The following RIMS2 variants were observed in gnomAD, a reference collection of about 807,000 sequenced individuals.
The protein encoded by RIMS2 is regulating synaptic membrane exocytosis protein 2.
In RIMS2, 59 loss-of-function variants were observed where a neutral mutation model predicts 174.4. That is an observed-to-expected ratio of 0.34 (90% CI 0.27 to 0.42). The LOEUF (loss-of-function observed/expected upper bound fraction) is 0.42, where lower values mean the gene tolerates loss of function less well. RIMS2 is among the 10% of genes least tolerant of loss of function. The pLI is 1.00. For missense variants in RIMS2, 1,620 were observed against 1,666.3 expected (o/e 0.97, Z 0.48); for synonymous variants, 606 against 572.5 (o/e 1.06, Z -0.84).
At chr8:104,060,447 G>A (rs1243207061) in intron 19 of RIMS2, among the ~76,000 whole-genome samples, 1 of 151,972 alleles carries the variant, frequency 6.6e-6, no homozygotes, top group Non-Finnish European at 1.5e-5. Context: ...GCGTCTATTT[G>A]ATTCTTCTCT....
At chr8:103,930,057 CAATTTG>C (rs1183689218) in intron 11 of RIMS2, among the ~76,000 whole-genome samples, 1 of 151,850 alleles carries the variant, frequency 6.6e-6, no homozygotes, top group African/African-American at 2.4e-5. Flanking sequence ...TTATTAATCA[CAATTTG>C]AGAAATACTT....
intron 19 of RIMS2, among the ~76,000 whole-genome samples, chr8:104,209,114 G>A (rs2099094023): frequency 6.6e-6 from 1 of 152,182 alleles, no homozygotes; most frequent in Admixed American, 6.5e-5. Context: ...AAGAACTGAT[G>A]GAGAGGAGCA....
At chr8:103,609,555 C>T (rs999198224) in intron 1 of RIMS2, among the ~76,000 whole-genome samples, 4 of 152,136 alleles carry the variant, frequency 2.6e-5, no homozygotes, top group African/African-American at 9.7e-5. Context: ...AGGGGTCCAG[C>T]TTCAATTTTC....
At chr8:103,858,468 A>G (rs1227364830) in intron 3 of RIMS2, among the ~76,000 whole-genome samples, 3 of 152,086 alleles carry the variant, frequency 2.0e-5, no homozygotes, top group Non-Finnish European at 4.4e-5. Flanking sequence ...AATTAAGTTA[A>G]GGAGGACCTT....
chr8:103,861,990 A>G (rs894316683), intron 3 of RIMS2, among the ~76,000 whole-genome samples: 6 of 151,530 alleles, frequency 4.0e-5, no homozygotes, highest in Non-Finnish European at 1.5e-5. Context: ...GTTTAATTTT[A>G]TTATTTATTT....
chr8:103,800,266 C>G (rs897931782), intron 3 of RIMS2, among the ~76,000 whole-genome samples: 3 of 151,980 alleles, frequency 2.0e-5, no homozygotes, highest in Non-Finnish European at 4.4e-5. Flanking sequence ...TAGATGATTG[C>G]ATCACTTATA....
At chr8:103,861,762 T>G (rs1341991438) in intron 3 of RIMS2, among the ~76,000 whole-genome samples, 1 of 152,108 alleles carries the variant, frequency 6.6e-6, no homozygotes, top group Non-Finnish European at 1.5e-5. Context: ...GTTTGTTGGC[T>G]GCTTATATGT....
intron 3 of RIMS2, among the ~76,000 whole-genome samples, chr8:103,860,066 A>T (rs929088717): frequency 6.6e-6 from 1 of 152,182 alleles, no homozygotes. Flanking sequence ...AATCAACATC[A>T]TTGAAGATGG....
chr8:103,874,020 T>C (rs116544978), intron 3 of RIMS2, among the ~76,000 whole-genome samples: 281 of 152,180 alleles, frequency 1.8e-3, no homozygotes, highest in African/African-American at 6.6e-3. Flanking sequence ...AGTACATGAG[T>C]TGATTCAGGT....
intron 19 of RIMS2, among the ~76,000 whole-genome samples, chr8:104,216,308 GGCC>G (rs953022105): frequency 6.6e-6 from 1 of 152,184 alleles, no homozygotes; most frequent in African/African-American, 2.4e-5. Flanking sequence ...GGTCACTTGA[GGCC>G]AGGAAATCGA....
At chr8:103,643,088 C>A (rs999313185) in intron 1 of RIMS2, among the ~76,000 whole-genome samples, 1 of 151,612 alleles carries the variant, frequency 6.6e-6, no homozygotes, top group African/African-American at 2.4e-5. Context: ...TATGCTGTTC[C>A]ATCTTTTTCA....
intron 3 of RIMS2, among the ~76,000 whole-genome samples, chr8:103,850,950 C>G (rs1228040728): frequency 6.6e-6 from 1 of 151,996 alleles, no homozygotes; most frequent in South Asian, 2.1e-4. Context: ...GTGGGGAGAG[C>G]TTTTTATAAC....
chr8:103,636,449 G>A (rs1257581088), intron 1 of RIMS2, among the ~76,000 whole-genome samples: 1 of 152,152 alleles, frequency 6.6e-6, no homozygotes, highest in Non-Finnish European at 1.5e-5. Flanking sequence ...GGGTTCACAA[G>A]GAGATCTCCT....
intron 4 of RIMS2, among the ~76,000 whole-genome samples, chr8:103,908,178 A>C (rs1034450636): frequency 2.6e-5 from 4 of 152,132 alleles, no homozygotes; most frequent in Non-Finnish European, 4.4e-5. Flanking sequence ...AATAGCTTGG[A>C]CTACAGGCGT....
intron 2 of RIMS2, among the ~76,000 whole-genome samples, chr8:103,704,226 CTGTA>C (rs2097198438): frequency 6.6e-6 from 1 of 150,420 alleles, no homozygotes; most frequent in Non-Finnish European, 1.5e-5. Context: ...ACTAACATGG[CTGTA>C]TGGTTTTGGT....
intron 3 of RIMS2, among the ~76,000 whole-genome samples, chr8:103,810,306 A>T (rs2154462080): frequency 6.6e-6 from 1 of 152,250 alleles, no homozygotes; most frequent in African/African-American, 2.4e-5. Flanking sequence ...GTGGGCAGGG[A>T]AAGATAAAAA....
chr8:104,199,673 C>T (rs550706425), intron 19 of RIMS2, among the ~76,000 whole-genome samples: 4 of 152,258 alleles, frequency 2.6e-5, no homozygotes, highest in Admixed American at 2.6e-4. Context: ...GCTGGTGGAA[C>T]TGAACTCAAT....
intron 2 of RIMS2, among the ~76,000 whole-genome samples, chr8:103,715,815 C>G (rs1424136047): frequency 5.9e-5 from 9 of 152,086 alleles, no homozygotes; most frequent in Admixed American, 5.9e-4. Context: ...CAGAGATAAA[C>G]TTCAGAAACA....
intron 19 of RIMS2, among the ~76,000 whole-genome samples, chr8:104,020,666 AT>A (rs1265550873): frequency 6.6e-6 from 1 of 152,016 alleles, no homozygotes; most frequent in Non-Finnish European, 1.5e-5. Flanking sequence ...CAGCATGGAT[AT>A]TTTTCAATCC....
Sources: gnomAD v4.1 joint callset for allele counts (sites outside exome capture counted in the v4.1 genomes callset) on GRCh38, gnomAD v4.1.1 for gene constraint, MANE v1.5 for transcripts, NCBI Gene and HGNC (gene_info 2026-07-23, HGNC 2026-07-21) for gene names.